HUNK: variants seen among roughly 807,000 people sequenced by gnomAD.
HUNK encodes the protein hormonally up-regulated neu tumor-associated kinase.
A neutral mutation model predicts 61.0 loss-of-function variants in HUNK; 21 were observed. That is an observed-to-expected ratio of 0.34 (90% confidence interval 0.24 to 0.50). The LOEUF is 0.50. HUNK is among the 20% of genes least tolerant of loss of function. The pLI, the probability that HUNK is intolerant of heterozygous loss-of-function variation, is 0.98. For synonymous variants in HUNK, 371 were observed against 386.1 expected (o/e 0.96, Z 0.46); for missense variants, 772 against 945.7 (o/e 0.82, Z 2.41).
At chr21:31,916,039 CTTTCTT>C (rs2052579122) in intron 1 of HUNK, among the ~76,000 whole-genome samples, 1 of 78,236 alleles carries the variant, frequency 1.3e-5, no homozygotes, top group African/African-American at 5.2e-5. Flanking sequence ...GTACTAAGTG[CTTTCTT>C]TTTTTTTTTT....
chr21:31,997,263 A>C (rs2053212243), intron 10 of HUNK, among the ~76,000 whole-genome samples: 1 of 152,252 alleles, frequency 6.6e-6, no homozygotes, highest in South Asian at 2.1e-4. Context: ...CCAGTTTCCA[A>C]ACCTGGATTC....
intron 7 of HUNK, among the ~76,000 whole-genome samples, chr21:31,979,266 A>C (rs2053074393): frequency 6.6e-6 from 1 of 151,624 alleles, no homozygotes; most frequent in Non-Finnish European, 1.5e-5. Context: ...CTACAGGTGC[A>C]CACCACCATG....
At chr21:31,962,296 G>A (rs2052934465) in intron 5 of HUNK, among the ~76,000 whole-genome samples, 1 of 152,226 alleles carries the variant, frequency 6.6e-6, no homozygotes, top group African/African-American at 2.4e-5. Flanking sequence ...GTGGGAAAAG[G>A]AGCAGACAAG....
intron 9 of HUNK, among the ~76,000 whole-genome samples, chr21:31,990,865 C>G (rs1238908832): frequency 5.3e-5 from 8 of 152,108 alleles, no homozygotes; most frequent in African/African-American, 1.9e-4. Context: ...ACCACCTTCA[C>G]AGAACCATCT....
At chr21:31,913,172 G>A (rs773644547) in intron 1 of HUNK, among the ~76,000 whole-genome samples, 14 of 152,132 alleles carry the variant, frequency 9.2e-5, no homozygotes, top group Non-Finnish European at 1.8e-4. Flanking sequence ...GCAGCTAAGC[G>A]TGTGTGTGAT....
At position 31,943,395 on chromosome 21, in the gene HUNK, C is replaced by T. The variant is rs140111797; in HGVS notation, c.611-2641C>T. On this transcript the variant is annotated intron_variant, in intron 3 of 10. Transcript: ENST00000270112. ...TTCTGTAGCTCTCAGAAAATTGAGTCGTCGTTGGTTGATATATTTACCAAA... is the reference window on the plus strand; with the variant it reads ...TTCTGTAGCTCTCAGAAAATTGAGTTGTCGTTGGTTGATATATTTACCAAA... Among the ~76,000 whole-genome samples, 588 of 152,224 alleles carry T rather than the reference C, an allele frequency of 3.9e-3. 3 individuals are homozygous for T. The highest frequency in any genetic ancestry group is 0.01 in the Middle Eastern group (3 of 294).
At chr21:31,887,586 A>G (rs754265147) in intron 1 of HUNK, among the ~76,000 whole-genome samples, 1 of 152,164 alleles carries the variant, frequency 6.6e-6, no homozygotes, top group Non-Finnish European at 1.5e-5. Flanking sequence ...GTAAGTCGTC[A>G]GGCCATCTTT....
chr21:31,992,912 C>G (rs183767489), intron 9 of HUNK, among the ~76,000 whole-genome samples: 1 of 152,108 alleles, frequency 6.6e-6, no homozygotes, highest in African/African-American at 2.4e-5. Context: ...GGTTTGTCCC[C>G]GACAGGGAGC....
chr21:31,913,543 T>A (rs1438960772), intron 1 of HUNK, among the ~76,000 whole-genome samples: 1 of 151,596 alleles, frequency 6.6e-6, no homozygotes, highest in Non-Finnish European at 1.5e-5. Context: ...GGATGGTTAC[T>A]GTAGGCTGAG....
At chr21:31,964,564 G>A (rs1601401163) in intron 5 of HUNK, among the ~76,000 whole-genome samples, 2 of 152,214 alleles carry the variant, frequency 1.3e-5, no homozygotes, top group South Asian at 4.1e-4. Context: ...CAGAGGGGTG[G>A]AGGGTGGCGT....
At position 31,913,604 on chromosome 21, in the gene HUNK, G is replaced by A. The variant is rs150025354; in HGVS notation, c.262-10864G>A. Among the ~76,000 whole-genome samples the A allele has an allele frequency of 9.2e-5, 14 of 152,038 alleles. No individual in the cohort carries two copies. In the East Asian group the frequency reaches 2.3e-3, roughly 25 times the overall value. On this transcript the variant is annotated intron_variant, in intron 1 of 10. Transcript: ENST00000270112. ...GCCGGGGGAGGTGACAGGCTCGGAGGCCCACAGATTATCCAGGTGGAGATG... is the reference window on the plus strand; with the variant it reads ...GCCGGGGGAGGTGACAGGCTCGGAGACCCACAGATTATCCAGGTGGAGATG...
intron 5 of HUNK, among the ~76,000 whole-genome samples, chr21:31,966,621 T>A (rs1473710210): frequency 2.0e-5 from 3 of 152,136 alleles, no homozygotes; most frequent in South Asian, 4.2e-4. Context: ...ATGGCCTCAT[T>A]TTTACCCTGC....
rs144078936 is a variant in HUNK, at chr21:31,874,601, C to T, written c.261+666C>T. Among the ~76,000 whole-genome samples, 644 of 149,020 alleles carry T rather than the reference C, an allele frequency of 4.3e-3. 7 individuals carry two copies. The highest frequency in any genetic ancestry group is 0.015 in the African/African-American group (613 of 40,596). On this transcript the variant is annotated intron_variant, in intron 1 of 10. Transcript: ENST00000270112. ...CCCTCCCACCCCTGCCCCCTCATCA[C>T]CCACCATTCTCATCCCCGCCATTCT...
At chr21:31,877,333 G>A (rs2052271214) in intron 1 of HUNK, among the ~76,000 whole-genome samples, 1 of 152,170 alleles carries the variant, frequency 6.6e-6, no homozygotes, top group Non-Finnish European at 1.5e-5. Context: ...TCTGAGTCCA[G>A]ATGACAAAGG....
chr21:31,890,929 A>T (rs544337527), intron 1 of HUNK, among the ~76,000 whole-genome samples: 37 of 151,968 alleles, frequency 2.4e-4, no homozygotes, highest in Admixed American at 5.2e-4. Flanking sequence ...GTTTATAGAA[A>T]CTCTTTTCAG....
chr21:31,981,551 T>A (rs2053097649), intron 7 of HUNK, among the ~76,000 whole-genome samples: 1 of 152,188 alleles, frequency 6.6e-6, no homozygotes, highest in Admixed American at 6.5e-5. Flanking sequence ...TGTCTTATAG[T>A]TTTCAGTGTA....
intron 7 of HUNK, among the ~76,000 whole-genome samples, chr21:31,981,486 C>A (rs1023925775): frequency 1.3e-5 from 2 of 151,896 alleles, no homozygotes; most frequent in Non-Finnish European, 2.9e-5. Context: ...TTCTTCCAAT[C>A]TGTGAACATG....
At chr21:31,936,307 C>T (rs772310882) in intron 2 of HUNK, among the ~76,000 whole-genome samples, 15 of 152,132 alleles carry the variant, frequency 9.9e-5, no homozygotes, top group Non-Finnish European at 1.9e-4. Flanking sequence ...TGCCTTTTGT[C>T]CTAAAGTCTG....
chr21:31,880,048 T>TA (rs1199198237), intron 1 of HUNK, among the ~76,000 whole-genome samples: 1 of 152,220 alleles, frequency 6.6e-6, no homozygotes, highest in Non-Finnish European at 1.5e-5. Context: ...ACACAGGGAC[T>TA]GAATAGTCCC....
Sources: gnomAD v4.1 joint callset for allele counts (sites outside exome capture counted in the v4.1 genomes callset) on GRCh38, gnomAD v4.1.1 for gene constraint, MANE v1.5 for transcripts, NCBI Gene and HGNC (gene_info 2026-07-23, HGNC 2026-07-21) for gene names.